Variants in ZMYM5 observed in about 807,000 individuals in gnomAD.
ZMYM5 encodes zinc finger MYM-type containing 5.
In ZMYM5, 41 loss-of-function variants were observed where a neutral mutation model predicts 61.8. That is an observed-to-expected ratio of 0.66 (90% CI 0.52 to 0.86). The LOEUF is 0.86. Among genes scored for constraint, ZMYM5 ranks in the 40% least tolerant of loss-of-function variants. ZMYM5 has a pLI of 0.00. For synonymous variants in ZMYM5, 257 were observed against 276.4 expected, an observed-to-expected ratio of 0.93 and a Z score of 0.70; for missense variants, 706 against 786.7, an observed-to-expected ratio of 0.90 and a Z score of 1.23.
At chr13:19,860,178 T>G (rs1427329677) in intron 2 of ZMYM5, among the ~76,000 whole-genome samples, 2 of 140,654 alleles carry the variant, frequency 1.4e-5, no homozygotes, top group Admixed American at 7.2e-5. Flanking sequence ...CAGGCTGGAG[T>G]GCAGTGGTGT....
intron 7 of ZMYM5, among the ~76,000 whole-genome samples, chr13:19,829,362 C>T (rs1891088507): frequency 6.6e-6 from 1 of 152,110 alleles, no homozygotes; most frequent in African/African-American, 2.4e-5. Flanking sequence ...TCATGGTTCA[C>T]TCACTCGCAG....
chr13:19,835,392 A>G, intron 7 of ZMYM5, 85 bp downstream of exon 7: 1 of 932,550 alleles, frequency 1.1e-6, no homozygotes, highest in Admixed American at 2.7e-5. Context: ...ATTAAATGAG[A>G]TTCTAAGATA....
At chr13:19,829,149 A>G (rs1166549965) in intron 7 of ZMYM5, among the ~76,000 whole-genome samples, 1 of 152,160 alleles carries the variant, frequency 6.6e-6, no homozygotes, top group Non-Finnish European at 1.5e-5. Context: ...TTTAGTATAA[A>G]ACACCAACTA....
intron 4 of ZMYM5, among the ~76,000 whole-genome samples, chr13:19,842,314 AC>A (rs1214509476): frequency 6.6e-6 from 1 of 152,206 alleles, no homozygotes; most frequent in Non-Finnish European, 1.5e-5. Context: ...AAATTTAAAT[AC>A]AATTCAACTC....
At chr13:19,836,888 TG>T (rs1952689455) in intron 6 of ZMYM5, among the ~76,000 whole-genome samples, 1 of 152,190 alleles carries the variant, frequency 6.6e-6, no homozygotes, top group South Asian at 2.1e-4. Flanking sequence ...GCAATATCAC[TG>T]AATGTTAAGC....
chr13:19,828,668 G>A (rs927104688), intron 7 of ZMYM5, among the ~76,000 whole-genome samples: 1 of 152,210 alleles, frequency 6.6e-6, no homozygotes, highest in Non-Finnish European at 1.5e-5. Flanking sequence ...TGTTAGCTAT[G>A]TCTAGGATTA....
intron 4 of ZMYM5, among the ~76,000 whole-genome samples, 184 bp downstream of exon 4, chr13:19,851,171 C>T (rs555033425): frequency 2.6e-5 from 4 of 152,180 alleles, no homozygotes; most frequent in South Asian, 2.1e-4. Flanking sequence ...GCTGAGATTG[C>T]GCCATTGTAC....
chr13:19,837,304 C>T, intron 6 of ZMYM5: 2 of 693,118 alleles, frequency 2.9e-6, no homozygotes, highest in Non-Finnish European at 4.0e-6. Flanking sequence ...CAGATGTGAG[C>T]CACCACGTCC....
At chr13:19,843,352 GCGCCAC>G (rs1566097093) in intron 4 of ZMYM5, 4 of 105,584 alleles carry the variant, frequency 3.8e-5, no homozygotes, top group African/African-American at 1.5e-4. Context: ...AGCCGAGATT[GCGCCAC>G]TGCACTCCAG....
chr13:19,857,079 C>G (rs867200078), intron 2 of ZMYM5, among the ~76,000 whole-genome samples: 12 of 152,240 alleles, frequency 7.9e-5, no homozygotes, highest in African/African-American at 2.7e-4. Flanking sequence ...GCACTCCAGC[C>G]TGGGCGACAG....
At position 19,835,510 on chromosome 13, in the gene ZMYM5, A is replaced by G; in HGVS notation, c.1218T>C (p.Phe406=). The G allele has an allele frequency of 7.3e-7, 1 of 1,367,706 alleles. No individual in the cohort carries two copies. Among genetic ancestry groups the G allele is most frequent in the South Asian group, 1.1e-5 (1 of 88,046 alleles). The allele number at this position is 1,367,706 out of a possible 1,614,324, so 84.7% of individuals were successfully genotyped here. ...ILVIGGQQKR[F]CCQSCINEYK... ...ATTCGTTAATACAACTTTGGCAGCA[A>G]AATCTCTTCTGCTGACCTCCAATCA... Residue 406 remains phenylalanine, a synonymous_variant, in exon 7 of 8, where the codon TTT becomes TTC. Transcript: ENST00000337963.
chr13:19,842,590 A>G (rs1041537458), intron 4 of ZMYM5, among the ~76,000 whole-genome samples: 4 of 151,990 alleles, frequency 2.6e-5, no homozygotes, highest in African/African-American at 7.2e-5. Context: ...GTTAAAGAGT[A>G]AAAATAGCAA....
intron 2 of ZMYM5, among the ~76,000 whole-genome samples, chr13:19,858,345 GAGGCCT>G (rs1167648767): frequency 6.6e-6 from 1 of 151,984 alleles, no homozygotes; most frequent in Non-Finnish European, 1.5e-5. Flanking sequence ...AGCGCTTTGG[GAGGCCT>G]AGGCAGGTGG....
chr13:19,827,305 G>A (rs1181591595), intron 7 of ZMYM5, among the ~76,000 whole-genome samples: 1 of 152,118 alleles, frequency 6.6e-6, no homozygotes, highest in African/African-American at 2.4e-5. Context: ...ACACAAATAT[G>A]AAGAGAGAGC....
intron 7 of ZMYM5, among the ~76,000 whole-genome samples, chr13:19,828,593 T>A (rs1478156987): frequency 2.6e-5 from 4 of 152,146 alleles, no homozygotes; most frequent in African/African-American, 7.2e-5. Flanking sequence ...CCCAACCTTA[T>A]GTAAGGAAGG....
At chr13:19,848,456 AT>A in intron 4 of ZMYM5, among the ~76,000 whole-genome samples, 1 of 151,720 alleles carries the variant, frequency 6.6e-6, no homozygotes, top group African/African-American at 2.4e-5. Context: ...CATTATTATT[AT>A]TTTTTAAAGA....
chr13:19,844,513 A>G (rs1953006513), intron 4 of ZMYM5, among the ~76,000 whole-genome samples: 1 of 152,224 alleles, frequency 6.6e-6, no homozygotes, highest in African/African-American at 2.4e-5. Flanking sequence ...AAAAATTTCA[A>G]ATATATTTGT....
chr13:19,834,143 A>AT (rs141109574), intron 7 of ZMYM5, among the ~76,000 whole-genome samples: 22 of 151,810 alleles, frequency 1.4e-4, no homozygotes, highest in Non-Finnish European at 1.9e-4. Flanking sequence ...TGCCCGGCTT[A>AT]TTTTTTTTGT....
At chr13:19,840,209 G>A (rs979382628) in intron 4 of ZMYM5, among the ~76,000 whole-genome samples, 8 of 152,110 alleles carry the variant, frequency 5.3e-5, no homozygotes, top group African/African-American at 1.7e-4. Context: ...AGGCTAAGGC[G>A]GGAGGATCAC....
Sources: gnomAD v4.1 joint callset for allele counts (sites outside exome capture counted in the v4.1 genomes callset) on GRCh38, gnomAD v4.1.1 for gene constraint, MANE v1.5 for transcripts, NCBI Gene and HGNC (gene_info 2026-07-23, HGNC 2026-07-21) for gene names.